The following BBS9 variants were observed in gnomAD, a reference collection of about 807,000 sequenced individuals.
BBS9 encodes the protein protein PTHB1.
A neutral mutation model predicts 117.7 loss-of-function variants in BBS9; 89 were observed. The observed-to-expected ratio is 0.76, with a 90% CI of 0.64 to 0.90. BBS9 has a LOEUF of 0.90. Ranked by LOEUF, BBS9 falls within the 40% of genes least tolerant of loss-of-function variation. The pLI is 0.00. For missense variants in BBS9, 982 were observed against 1,042.2 expected, an observed-to-expected ratio of 0.94 and a Z score of 0.80; for synonymous variants, 379 against 370.9, an observed-to-expected ratio of 1.02 and a Z score of -0.25.
intron 5 of BBS9, among the ~76,000 whole-genome samples, chr7:33,193,258 G>A (rs1167206495): frequency 2.0e-5 from 3 of 151,834 alleles, no homozygotes; most frequent in Non-Finnish European, 2.9e-5. Flanking sequence ...TAGTTATTTA[G>A]CCTCCCATAT....
intron 10 of BBS9, among the ~76,000 whole-genome samples, chr7:33,338,684 CAT>C (rs1350077389): frequency 6.6e-6 from 1 of 152,144 alleles, no homozygotes; most frequent in Non-Finnish European, 1.5e-5. Context: ...AGCATGAAAT[CAT>C]AGTAATAATT....
chr7:33,436,025 TAGAGAATTA>T, intron 19 of BBS9, among the ~76,000 whole-genome samples: 1 of 152,258 alleles, frequency 6.6e-6, no homozygotes, highest in Middle Eastern at 3.4e-3. Flanking sequence ...TTCTTTGAGA[TAGAGAATTA>T]ACGTATTTGT....
chr7:33,623,998 A>T lies in BBS9; in HGVS notation c.2522-11179A>T, dbSNP rs76653015. 5.0e-3 allele frequency among the ~76,000 whole-genome samples: 755 copies of T among 150,766 alleles called. 3 individuals carry two copies. Among genetic ancestry groups the T allele is most frequent in the Non-Finnish European group, 6.8e-3 (459 of 67,662 alleles). Reference sequence around the variant, plus strand: ...TCATTCTATTATTAAAAAAAAAAAAATCATATAAGTCTTACTCTTTTGACT... The same window carrying T: ...TCATTCTATTATTAAAAAAAAAAAATTCATATAAGTCTTACTCTTTTGACT... On this transcript the variant is annotated intron_variant, in intron 21 of 21. Coordinates refer to the BBS9 transcript ENST00000671952.
At chr7:33,598,387 A>G (rs1330595952) in intron 21 of BBS9, among the ~76,000 whole-genome samples, 1 of 152,176 alleles carries the variant, frequency 6.6e-6, no homozygotes, top group Non-Finnish European at 1.5e-5. Context: ...AATTATCATG[A>G]CCAAGAAGAG....
At chr7:33,431,796 T>A (rs1176152895) in intron 19 of BBS9, among the ~76,000 whole-genome samples, 4 of 152,210 alleles carry the variant, frequency 2.6e-5, no homozygotes, top group Admixed American at 2.6e-4. Context: ...GAGCCATATG[T>A]TTAATGGAAA....
intron 21 of BBS9, among the ~76,000 whole-genome samples, chr7:33,581,800 A>G (rs983033192): frequency 1.3e-5 from 2 of 152,170 alleles, no homozygotes; most frequent in African/African-American, 4.8e-5. Context: ...TATATATAGC[A>G]TATACTGTTT....
chr7:33,203,934 G>C (rs1310455479), intron 5 of BBS9, among the ~76,000 whole-genome samples: 2 of 150,130 alleles, frequency 1.3e-5, no homozygotes, highest in African/African-American at 2.4e-5. Context: ...TATTGGCCAG[G>C]CTGGTCTCAA....
intron 19 of BBS9, among the ~76,000 whole-genome samples, chr7:33,403,128 A>G (rs537168598): frequency 1.7e-4 from 26 of 151,770 alleles, no homozygotes; most frequent in Non-Finnish European, 2.8e-4. Flanking sequence ...TTCAGGGAGT[A>G]GATGTGCAGA....
chr7:33,397,190 A>G (rs1828124292), intron 19 of BBS9, among the ~76,000 whole-genome samples: 1 of 152,216 alleles, frequency 6.6e-6, no homozygotes, highest in Non-Finnish European at 1.5e-5. Flanking sequence ...AAAAGAAGAC[A>G]TACACGTGGC....
chr7:33,590,471 T>TGTTTTTTTTTTTTTG, intron 21 of BBS9, among the ~76,000 whole-genome samples: 1 of 148,976 alleles, frequency 6.7e-6, no homozygotes, highest in South Asian at 2.1e-4. Context: ...TTTTTTTTTT[T>TGTTTTTTTTTTTTTG]TTTTTTACCA....
intron 7 of BBS9, among the ~76,000 whole-genome samples, chr7:33,269,989 C>T (rs28431230): frequency 6.8e-6 from 1 of 147,252 alleles, no homozygotes; most frequent in Admixed American, 6.8e-5. Flanking sequence ...CTTCACTGCA[C>T]TCCAGCCTGG....
intron 19 of BBS9, among the ~76,000 whole-genome samples, chr7:33,457,821 T>G (rs1838863500): frequency 1.3e-5 from 2 of 152,178 alleles, no homozygotes. Context: ...AACTTAACTT[T>G]TAATTTAACC....
chr7:33,507,710 T>C (rs1449522763), intron 20 of BBS9, among the ~76,000 whole-genome samples: 1 of 152,222 alleles, frequency 6.6e-6, no homozygotes, highest in East Asian at 1.9e-4. Flanking sequence ...AACTAACAAA[T>C]GGTGACCTCA....
At chr7:33,345,862 A>G (rs1817500232) in intron 12 of BBS9, among the ~76,000 whole-genome samples, 1 of 152,196 alleles carries the variant, frequency 6.6e-6, no homozygotes, top group Non-Finnish European at 1.5e-5. Context: ...TTGTGCCTTA[A>G]CTAGATAACA....
At chr7:33,225,847 A>G (rs1791163800) in intron 5 of BBS9, among the ~76,000 whole-genome samples, 1 of 152,072 alleles carries the variant, frequency 6.6e-6, no homozygotes, top group South Asian at 2.1e-4. Flanking sequence ...AAGGTAAACT[A>G]TATTATGGGT....
At chr7:33,265,449 G>A (rs1798648347) in intron 7 of BBS9, among the ~76,000 whole-genome samples, 1 of 152,138 alleles carries the variant, frequency 6.6e-6, no homozygotes, top group Middle Eastern at 3.2e-3. Context: ...AGTCAAACAG[G>A]TCTTGAGAGC....
At chr7:33,583,226 C>T (rs1860298362) in intron 21 of BBS9, among the ~76,000 whole-genome samples, 2 of 152,022 alleles carry the variant, frequency 1.3e-5, no homozygotes, top group African/African-American at 2.4e-5. Context: ...TCCCCTCTAC[C>T]CTTTCTCCCT....
chr7:33,168,395 G>C (rs1186119534), intron 4 of BBS9, among the ~76,000 whole-genome samples: 2 of 152,160 alleles, frequency 1.3e-5, no homozygotes, highest in African/African-American at 4.8e-5. Flanking sequence ...TCAGTTATAA[G>C]ACCTAAGACA....
At chr7:33,345,546 G>A (rs1817437043) in intron 12 of BBS9, among the ~76,000 whole-genome samples, 1 of 151,984 alleles carries the variant, frequency 6.6e-6, no homozygotes, top group Non-Finnish European at 1.5e-5. Flanking sequence ...AACTTGAAGG[G>A]AGCTGAATCT....
Sources: allele counts gnomAD v4.1 joint callset (sites outside exome capture counted in the v4.1 genomes callset), GRCh38; gene constraint gnomAD v4.1.1; transcripts MANE v1.5; gene names NCBI Gene and HGNC (gene_info 2026-07-23, HGNC 2026-07-21).